The following ATP2B2 variants were observed in gnomAD, a reference collection of about 807,000 sequenced individuals.
The protein encoded by ATP2B2 is ATPase plasma membrane Ca2+ transporting 2.
In ATP2B2, 15 loss-of-function variants were observed where a neutral mutation model predicts 120.0. The observed-to-expected ratio is 0.12, with a 90% CI of 0.08 to 0.19. The LOEUF is 0.19. Ranked by LOEUF, ATP2B2 falls within the 10% of genes least tolerant of loss-of-function variation. The pLI, the probability that ATP2B2 is intolerant of heterozygous loss-of-function variation, is 1.00. For missense variants in ATP2B2, 1,045 were observed against 1,719.8 expected (o/e 0.61, Z 6.94); for synonymous variants, 694 against 700.3 (o/e 0.99, Z 0.14).
chr3:10,595,320 T>C (rs1163444200), intron 2 of ATP2B2, among the ~76,000 whole-genome samples: 1 of 152,194 alleles, frequency 6.6e-6, no homozygotes, highest in African/African-American at 2.4e-5. Context: ...TTAGTCTTCT[T>C]AGATATTCCA....
intron 2 of ATP2B2, among the ~76,000 whole-genome samples, chr3:10,547,767 AAACTG>A (rs758870551): frequency 1.3e-5 from 2 of 152,226 alleles, no homozygotes; most frequent in Non-Finnish European, 2.9e-5. Context: ...CTGTCTAGGG[AAACTG>A]AAGTCCCTTG....
chr3:10,544,313 G>C (rs1219088672), intron 2 of ATP2B2, among the ~76,000 whole-genome samples: 2 of 152,184 alleles, frequency 1.3e-5, no homozygotes, highest in Non-Finnish European at 2.9e-5. Context: ...GAATTACAAA[G>C]AAAACAACAG....
Position 10,520,358 on chromosome 3 carries a change from T to C in ATP2B2, c.-320+13681A>G, listed in dbSNP as rs540812708. ...TCAGACTCCTGCCCTTGCGAGGTAA[T>C]AGTGGAGGCTGGGAGAACCCCTCAC... is the stretch of plus-strand genomic sequence containing the variant. On this transcript the variant is annotated intron_variant, in intron 3 of 21. Coordinates refer to the ATP2B2 transcript ENST00000646379. Among the ~76,000 whole-genome samples, 48 of 152,218 alleles carry C rather than the reference T, an allele frequency of 3.2e-4. 1 individual carries two copies. The South Asian group carries it at 9.5e-3, about 30-fold the overall frequency.
intron 1 of ATP2B2, among the ~76,000 whole-genome samples, chr3:10,634,914 T>C (rs2069979528): frequency 6.6e-6 from 1 of 152,064 alleles, no homozygotes; most frequent in African/African-American, 2.4e-5. Flanking sequence ...GCAGGTTTGG[T>C]GGGGAAGTCC....
intron 2 of ATP2B2, among the ~76,000 whole-genome samples, chr3:10,445,220 C>G (rs979219041): frequency 2.0e-5 from 3 of 152,246 alleles, no homozygotes; most frequent in Non-Finnish European, 4.4e-5. Flanking sequence ...TTAATCCTCA[C>G]ACCATTTGCA....
Position 10,528,556 on chromosome 3 carries a change from C to T in ATP2B2, c.-320+5483G>A, listed in dbSNP as rs79675347. On this transcript the variant is annotated intron_variant, in intron 3 of 21. Transcript: ENST00000646379. The stretch of plus-strand genomic sequence containing the variant: ...TCCTCCAGCATCCTTGGAGAAGGGG[C>T]ACTTTCCACATGAGCAAGTTTCCTA... Among the ~76,000 whole-genome samples the T allele has an allele frequency of 3.6e-3, 553 of 152,298 alleles. 22 individuals carry two copies. The East Asian group carries it at 0.083, about 23-fold the overall frequency.
chr3:10,614,115 C>T (rs976092934), intron 2 of ATP2B2, among the ~76,000 whole-genome samples: 2 of 152,116 alleles, frequency 1.3e-5, no homozygotes, highest in African/African-American at 4.8e-5. Context: ...TTCTCCTTGA[C>T]AGCCTTTACG....
intron 22 of ATP2B2, among the ~76,000 whole-genome samples, chr3:10,335,883 CCA>C (rs2125345772): frequency 6.6e-6 from 1 of 152,300 alleles, no homozygotes; most frequent in East Asian, 1.9e-4. Context: ...CTTGACTGAA[CCA>C]GACTTTTTGG....
intron 1 of ATP2B2, among the ~76,000 whole-genome samples, chr3:10,479,026 C>T (rs1208899800): frequency 6.6e-6 from 1 of 152,156 alleles, no homozygotes; most frequent in Non-Finnish European, 1.5e-5. Context: ...CTTTGCCTTC[C>T]ACCCTGATTG....
chr3:10,463,673 G>A (rs970909760), intron 1 of ATP2B2, among the ~76,000 whole-genome samples: 3 of 152,222 alleles, frequency 2.0e-5, no homozygotes, highest in Non-Finnish European at 4.4e-5. Context: ...CTCAGGCAGT[G>A]GAACACACTG....
At chr3:10,653,849 T>A (rs988851543) in intron 1 of ATP2B2, among the ~76,000 whole-genome samples, 1 of 152,148 alleles carries the variant, frequency 6.6e-6, no homozygotes, top group Admixed American at 6.5e-5. Flanking sequence ...CTTTTTCTCG[T>A]GTTCTATACT....
At chr3:10,567,103 C>G (rs537887503) in intron 2 of ATP2B2, among the ~76,000 whole-genome samples, 15 of 152,338 alleles carry the variant, frequency 9.8e-5, no homozygotes, top group African/African-American at 3.6e-4. Flanking sequence ...GATATCTAGA[C>G]CAGCCCCTCC....
At chr3:10,489,522 T>C (rs1169542648) in intron 1 of ATP2B2, among the ~76,000 whole-genome samples, 1 of 152,232 alleles carries the variant, frequency 6.6e-6, no homozygotes, top group African/African-American at 2.4e-5. Flanking sequence ...TTAAATGGAT[T>C]TGCAGGCCCT....
At chr3:10,489,349 C>T (rs1247252321) in intron 1 of ATP2B2, among the ~76,000 whole-genome samples, 1 of 152,212 alleles carries the variant, frequency 6.6e-6, no homozygotes. Flanking sequence ...GTGGTATCCC[C>T]ACTGCCTGGC....
At chr3:10,367,095 A>G (rs933712268) in intron 12 of ATP2B2, among the ~76,000 whole-genome samples, 2 of 152,124 alleles carry the variant, frequency 1.3e-5, no homozygotes, top group African/African-American at 4.8e-5. Flanking sequence ...GGGAGGAGAA[A>G]GCCCATTAGG....
At chr3:10,414,340 G>A (rs1450652549) in intron 2 of ATP2B2, among the ~76,000 whole-genome samples, 3 of 152,140 alleles carry the variant, frequency 2.0e-5, no homozygotes, top group Non-Finnish European at 4.4e-5. Context: ...GTCATGCTGG[G>A]AATCCACAGG....
chr3:10,444,120 C>T (rs1393800563), intron 2 of ATP2B2, among the ~76,000 whole-genome samples: 8 of 152,228 alleles, frequency 5.3e-5, no homozygotes, highest in Non-Finnish European at 7.3e-5. Context: ...GAGCATGGGC[C>T]GCTTCACATG....
chr3:10,489,410 C>T lies in ATP2B2; in HGVS notation c.-320+16055G>A, dbSNP rs183960875. The stretch of plus-strand genomic sequence containing the variant: ...TGCTAAATGAGTGAAAGCTCCCCGC[C>T]CCTTTAGGTAAGGCTGGTTGCTTTC... On this transcript the variant is annotated intron_variant, in intron 1 of 22. Coordinates refer to ENST00000360273, the MANE Select transcript of ATP2B2 (RefSeq NM_001001331.4). Among the ~76,000 whole-genome samples, 329 of 152,320 alleles carry T rather than the reference C, an allele frequency of 2.2e-3. 2 individuals carry two copies. Among genetic ancestry groups the T allele is most frequent in the Admixed American group, 0.012 (184 of 15,292 alleles).
In ATP2B2 at chr3:10,402,326, C is replaced by T. The variant is rs766253089; in HGVS notation, c.420G>A (p.Gly140=). The T allele has an allele frequency of 2.5e-6, 4 of 1,613,920 alleles. No homozygotes were observed. The East Asian group carries it at 8.9e-5, about 36-fold the overall frequency. Residue 140 remains glycine, a synonymous_variant, in exon 4 of 23, where the codon GGG becomes GGA. Transcript: ENST00000360273. The surrounding 1 kb of genome is among the most constrained non-coding windows in gnomAD (Gnocchi z 4.9). ...CCTCTGCCTCTCCTTCATCCTCTGC[C>T]CCACCCTGGGCCGTCGCACATCCTG... ...GNEGCATAQG[G]AEDEGEAEAG... is the part of the protein sequence containing the mutation.
Sources: gnomAD v4.1 joint callset for allele counts (sites outside exome capture counted in the v4.1 genomes callset) on GRCh38, gnomAD v4.1.1 for gene constraint, Gnocchi (gnomAD v3.1) non-coding constraint, MANE v1.5 for transcripts, NCBI Gene and HGNC (gene_info 2026-07-23, HGNC 2026-07-21) for gene names.